PRUNE2: variants seen among roughly 807,000 people sequenced by gnomAD.
PRUNE2 encodes protein prune homolog 2.
In PRUNE2, 164 loss-of-function variants were observed where a neutral mutation model predicts 252.0. The ratio of observed to expected loss-of-function variants is 0.65; its 90% CI spans 0.57 to 0.74. PRUNE2 has a LOEUF of 0.74. Among genes scored for constraint, PRUNE2 ranks in the 30% least tolerant of loss-of-function variants. The pLI, the probability that PRUNE2 is intolerant of heterozygous loss-of-function variation, is 0.00. For missense variants in PRUNE2, 3,495 were observed against 3,711.0 expected, an observed-to-expected ratio of 0.94 and a Z score of 1.51; for synonymous variants, 1,292 against 1,350.2, an observed-to-expected ratio of 0.96 and a Z score of 0.94.
intron 6 of PRUNE2, among the ~76,000 whole-genome samples, chr9:76,728,243 A>G (rs777072634): frequency 3.3e-5 from 5 of 152,134 alleles, no homozygotes; most frequent in Non-Finnish European, 7.3e-5. Context: ...GGAAAAACTC[A>G]TCAAAACCCA....
intron 9 of PRUNE2, among the ~76,000 whole-genome samples, chr9:76,657,509 G>T (rs1299836898): frequency 6.6e-6 from 1 of 152,192 alleles, no homozygotes; most frequent in Non-Finnish European, 1.5e-5. Flanking sequence ...ATAATTGCAG[G>T]AGTCCTGCCT....
intron 6 of PRUNE2, among the ~76,000 whole-genome samples, chr9:76,774,257 C>T (rs2053440317): frequency 6.6e-6 from 1 of 151,450 alleles, no homozygotes; most frequent in South Asian, 2.1e-4. Flanking sequence ...CACCTGACCC[C>T]CCTGAGTAAG....
At chr9:76,723,932 C>T (rs1474017990) in intron 6 of PRUNE2, among the ~76,000 whole-genome samples, 1 of 151,190 alleles carries the variant, frequency 6.6e-6, no homozygotes, top group South Asian at 2.1e-4. Flanking sequence ...CTCAGCCTCC[C>T]GAGTAGCTGG....
chr9:76,770,466 T>C (rs996032381), intron 6 of PRUNE2, among the ~76,000 whole-genome samples: 3 of 152,166 alleles, frequency 2.0e-5, no homozygotes, highest in African/African-American at 7.2e-5. Context: ...AATATATGAT[T>C]CAAAAATTGA....
intron 6 of PRUNE2, among the ~76,000 whole-genome samples, chr9:76,796,076 T>A (rs533252637): frequency 1.1e-3 from 160 of 152,302 alleles, no homozygotes; most frequent in African/African-American, 3.7e-3. Flanking sequence ...TTAAATCAAG[T>A]TTGTGTATAA....
At chr9:76,660,781 C>CAAAA (rs11432174) in intron 9 of PRUNE2, among the ~76,000 whole-genome samples, 321 of 99,608 alleles carry the variant, frequency 3.2e-3, no homozygotes, top group Non-Finnish European at 3.6e-3. Flanking sequence ...GACTCTGAAT[C>CAAAA]AAAAAAAAAA....
rs147928931 is a variant in PRUNE2, at chr9:76,747,278, T to C, written c.757-33557A>G. 3.9e-3 allele frequency among the ~76,000 whole-genome samples: 596 copies of C among 152,292 alleles called. 1 individual carries two copies. The highest frequency in any genetic ancestry group is 0.013 in the African/African-American group (560 of 41,558). On this transcript the variant is annotated intron_variant, in intron 6 of 18. Coordinates refer to ENST00000376718, the MANE Select transcript of PRUNE2 (RefSeq NM_015225.3). Reference sequence around the variant, plus strand: ...AATATGAGCTAGTGAAACCCTCCCATTAAAAGAAAATTCTTTTAACGAGAA... The same window carrying C: ...AATATGAGCTAGTGAAACCCTCCCACTAAAAGAAAATTCTTTTAACGAGAA...
chr9:76,656,662 A>C (rs1221270242), intron 9 of PRUNE2, among the ~76,000 whole-genome samples: 1 of 152,192 alleles, frequency 6.6e-6, no homozygotes, highest in Non-Finnish European at 1.5e-5. Context: ...GAGGATATAG[A>C]GGAACAAAAC....
chr9:76,884,240 C>T (rs1187780947), intron 1 of PRUNE2, among the ~76,000 whole-genome samples: 2 of 152,146 alleles, frequency 1.3e-5, no homozygotes, highest in Non-Finnish European at 2.9e-5. Context: ...CCCAAATAAC[C>T]CCACCCTAGA....
At chr9:76,746,621 C>A (rs901083414) in intron 6 of PRUNE2, among the ~76,000 whole-genome samples, 10 of 141,946 alleles carry the variant, frequency 7.0e-5, no homozygotes, top group African/African-American at 2.6e-4. Flanking sequence ...AGGAGAATGG[C>A]GTGAACCCGG....
chr9:76,823,771 T>TG, intron 5 of PRUNE2, 45 bp from the exon 6 acceptor site: 1 of 823,988 alleles, frequency 1.2e-6, no homozygotes, highest in East Asian at 3.4e-5. Flanking sequence ...ACTTGAGGGA[T>TG]TTTTTTTTTG....
chr9:76,872,398 G>C (rs962935334), intron 1 of PRUNE2, among the ~76,000 whole-genome samples: 1 of 152,126 alleles, frequency 6.6e-6, no homozygotes, highest in Non-Finnish European at 1.5e-5. Context: ...ACAAGTCATG[G>C]AAGAACAATG....
At position 76,670,949 on chromosome 9, in the gene PRUNE2, G is replaced by A. The variant is rs893493008; in HGVS notation, c.8277-15447C>T. 4.0e-4 allele frequency among the ~76,000 whole-genome samples: 61 copies of A among 151,988 alleles called. 1 individual carries two copies. The highest frequency in any genetic ancestry group is 2.8e-3 in the Admixed American group (42 of 15,242). Reference sequence around the variant, plus strand: ...AAAGTAGATAAAAACCACAAAGATGGGGAAAAAACAGAACAGAAAAACTGG... The same window carrying A: ...AAAGTAGATAAAAACCACAAAGATGAGGAAAAAACAGAACAGAAAAACTGG... On this transcript the variant is annotated intron_variant, in intron 9 of 18. Coordinates refer to ENST00000376718, the MANE Select transcript of PRUNE2 (RefSeq NM_015225.3).
chr9:76,699,197 A>G (rs1042017149), intron 9 of PRUNE2, among the ~76,000 whole-genome samples: 1 of 152,046 alleles, frequency 6.6e-6, no homozygotes, highest in African/African-American at 2.4e-5. Flanking sequence ...ATATATCTAT[A>G]TATCGATTAT....
intron 6 of PRUNE2, among the ~76,000 whole-genome samples, chr9:76,800,175 T>A (rs2056447969): frequency 6.6e-6 from 1 of 152,168 alleles, no homozygotes; most frequent in Non-Finnish European, 1.5e-5. Flanking sequence ...ACATTAGGTA[T>A]TTCTCCTAAT....
At position 76,704,097 on chromosome 9, in the gene PRUNE2, C is replaced by A. The variant is rs1489658924; in HGVS notation, c.7516G>T (p.Ala2506Ser). The change falls in exon 9 of 19, where the codon GCC becomes TCC. Residue 2506 changes from alanine to serine, a missense_variant and splice_region_variant. Coordinates refer to ENST00000376718, the MANE Select transcript of PRUNE2 (RefSeq NM_015225.3). The part of the protein sequence containing the change: ...AGGDIGPPNG[A>S]SKEISELEEE... ...TCCAATTCTGATATTTCCTTGCTGG[C>A]ACCTAGAAGTGGAAGTTGAAAGTGA... The A allele has an allele frequency of 6.4e-7, 1 of 1,574,468 alleles. No individual in the cohort carries two copies.
At chr9:76,742,052 G>A (rs934609485) in intron 6 of PRUNE2, among the ~76,000 whole-genome samples, 1 of 152,124 alleles carries the variant, frequency 6.6e-6, no homozygotes, top group Non-Finnish European at 1.5e-5. Flanking sequence ...AGATCTAAAC[G>A]TAAAAATGTT....
At chr9:76,823,814 T>A in intron 5 of PRUNE2, 88 bp from the exon 6 acceptor site, 4 of 765,160 alleles carry the variant, frequency 5.2e-6, no homozygotes, top group Non-Finnish European at 6.7e-6. Context: ...GAATTTACTC[T>A]GTAAATTTCA....
chr9:76,717,728 C>T (rs1296263592), intron 6 of PRUNE2, among the ~76,000 whole-genome samples: 1 of 152,166 alleles, frequency 6.6e-6, no homozygotes, highest in Non-Finnish European at 1.5e-5. Context: ...CAGCCTATAA[C>T]TGCTGCATGG....
Sources: gnomAD v4.1 joint callset for allele counts (sites outside exome capture counted in the v4.1 genomes callset) on GRCh38, gnomAD v4.1.1 for gene constraint, MANE v1.5 for transcripts, NCBI Gene and HGNC (gene_info 2026-07-23, HGNC 2026-07-21) for gene names.